ANXA7: variants seen among roughly 807,000 people sequenced by gnomAD.
The protein encoded by ANXA7 is annexin A7, also known as annexin VII.
A neutral mutation model predicts 64.9 loss-of-function variants in ANXA7; 55 were observed. The observed-to-expected ratio is 0.85, with a 90% CI of 0.68 to 1.06. The LOEUF is 1.06. Among genes scored for constraint, ANXA7 ranks in the 50% least tolerant of loss-of-function variants. The pLI is 0.00. For synonymous variants in ANXA7, 200 were observed against 192.4 expected (o/e 1.04, Z -0.33); for missense variants, 548 against 582.1 (o/e 0.94, Z 0.60).
At chr10:73,408,507 T>C (rs1316655725) in intron 1 of ANXA7, 1 of 152,140 alleles carries the variant, frequency 6.6e-6, no homozygotes, top group Non-Finnish European at 1.5e-5. Flanking sequence ...TTTCAAGAAA[T>C]TGTTCCAGTG....
intron 5 of ANXA7, among the ~76,000 whole-genome samples, chr10:73,395,088 G>A (rs2055548871): frequency 6.6e-6 from 1 of 152,198 alleles, no homozygotes; most frequent in African/African-American, 2.4e-5. Flanking sequence ...ACATGCTTGG[G>A]AGGAGTATCA....
intron 6 of ANXA7, 63 bp from the exon 7 acceptor site, chr10:73,387,846 CTTT>C (rs775570274): frequency 0.021 from 11,400 of 537,006 alleles, no homozygotes; most frequent in East Asian, 0.033. Flanking sequence ...TTGAGGTCAT[CTTT>C]TTTTTTTTTT....
Position 73,400,870 on chromosome 10 carries a change from T to C in ANXA7, c.-1-13A>G, listed in dbSNP as rs1428191408. The stretch of plus-strand genomic sequence containing the variant: ...TGGGTATGACATTCTGTAACAACAA[T>C]AAAAAATGTCCTCTGTAAGTTTTTT... On this transcript the variant is annotated splice_polypyrimidine_tract_variant and intron_variant, in intron 1 of 12. Coordinates refer to ENST00000372921, the MANE Select transcript of ANXA7 (RefSeq NM_001156.5). The C allele has an allele frequency of 6.3e-7, 1 of 1,587,092 alleles. No individual in the cohort carries two copies. The highest frequency in any genetic ancestry group is 1.8e-5 in the Admixed American group (1 of 55,524).
intron 1 of ANXA7, among the ~76,000 whole-genome samples, chr10:73,406,350 C>A (rs1365819707): frequency 6.6e-6 from 1 of 152,172 alleles, no homozygotes; most frequent in Non-Finnish European, 1.5e-5. Flanking sequence ...TCACTTGATG[C>A]CTGTCTTACT....
intron 5 of ANXA7, among the ~76,000 whole-genome samples, chr10:73,390,719 TAA>T (rs1356038950): frequency 2.5e-3 from 275 of 111,882 alleles, no homozygotes; most frequent in Admixed American, 4.8e-3. Flanking sequence ...TATATATATA[TAA>T]AAATATATAT....
At chr10:73,386,910 A>C (rs2055381798) in intron 7 of ANXA7, among the ~76,000 whole-genome samples, 1 of 152,158 alleles carries the variant, frequency 6.6e-6, no homozygotes, top group Non-Finnish European at 1.5e-5. Context: ...CCTGGCCTCA[A>C]GAAATTCTCC....
chr10:73,394,113 CTCA>C (rs2055530989), intron 5 of ANXA7, among the ~76,000 whole-genome samples: 3 of 152,170 alleles, frequency 2.0e-5, no homozygotes, highest in African/African-American at 7.2e-5. Context: ...TGAAAAAATG[CTCA>C]TCATCACTGG....
chr10:73,413,587 GTAAAAATTTC>G (rs2055877969), intron 1 of ANXA7, among the ~76,000 whole-genome samples: 1 of 152,230 alleles, frequency 6.6e-6, no homozygotes, highest in African/African-American at 2.4e-5. Context: ...ACTAAACACA[GTAAAAATTTC>G]CCCAAGTTTC....
intron 12 of ANXA7, among the ~76,000 whole-genome samples, chr10:73,377,773 G>GGTGTGTGTGTGTGTGTGTGTGT (rs368036663): frequency 1.6e-5 from 2 of 124,822 alleles, no homozygotes; most frequent in African/African-American, 6.4e-5. Flanking sequence ...GGTGGGTGTG[G>GGTGTGTGTGTGTGTGTGTGTGT]GTGTGTGTGT....
chr10:73,404,850 T>C (rs564746216), intron 1 of ANXA7, among the ~76,000 whole-genome samples: 1 of 152,236 alleles, frequency 6.6e-6, no homozygotes, highest in African/African-American at 2.4e-5. Flanking sequence ...CCAGGCGCAG[T>C]AGTTCACGCC....
intron 5 of ANXA7, among the ~76,000 whole-genome samples, chr10:73,393,259 A>G (rs1163962264): frequency 1.3e-5 from 2 of 152,224 alleles, no homozygotes; most frequent in East Asian, 1.9e-4. Context: ...GGAAGAATCA[A>G]TATCGTGAAA....
Position 73,376,106 on chromosome 10 carries a change from CA to C in ANXA7, c.1389del (p.Ile463MetfsTer26). ...AAAAAAAATCCCTCCTACTGGCCCA[CA>C]ATAGCCAGAAGAAGTCTTCGGTAAT... ...SGDYRRLLLA[I>X]VGQ On this transcript the variant is annotated frameshift_variant, in exon 13 of 13. Coordinates refer to ENST00000372921, the MANE Select transcript of ANXA7 (RefSeq NM_001156.5). LOFTEE classifies it high-confidence loss of function. 6.3e-7 allele frequency: 1 copy of C among 1,586,004 alleles called. No homozygotes were observed. Among genetic ancestry groups the C allele is most frequent in the Non-Finnish European group, 8.5e-7 (1 of 1,169,966 alleles).
chr10:73,397,106 G>T, intron 4 of ANXA7, 58 bp downstream of exon 4: 2 of 861,546 alleles, frequency 2.3e-6, no homozygotes, highest in African/African-American at 1.7e-5. Context: ...TCCCTCAATG[G>T]TGATTTAAAA....
chr10:73,389,442 A>G (rs1180367173), intron 5 of ANXA7, among the ~76,000 whole-genome samples: 3 of 152,200 alleles, frequency 2.0e-5, no homozygotes, highest in Non-Finnish European at 4.4e-5. Flanking sequence ...TAACAGTACT[A>G]TATCGATGTT....
intron 9 of ANXA7, among the ~76,000 whole-genome samples, 164 bp from the exon 10 acceptor site, chr10:73,380,365 G>T (rs909802636): frequency 6.6e-6 from 1 of 151,746 alleles, no homozygotes; most frequent in Non-Finnish European, 1.5e-5. Context: ...AACCTCCTAG[G>T]CTCAAGTGAT....
intron 1 of ANXA7, among the ~76,000 whole-genome samples, chr10:73,404,180 G>A (rs1311264404): frequency 6.6e-6 from 1 of 152,146 alleles, no homozygotes; most frequent in Non-Finnish European, 1.5e-5. Context: ...AAGTAGGGTG[G>A]TAGAGTGTGG....
In ANXA7 at chr10:73,414,029, G is replaced by T. The variant is rs972983356; in HGVS notation, c.-19C>A. The T allele has an allele frequency of 4.6e-5, 7 of 152,330 alleles. No individual in the cohort carries two copies. The highest frequency in any genetic ancestry group is 1.7e-4 in the African/African-American group (7 of 41,418). The allele number at this position is 152,330 out of a possible 1,614,324, so 9.4% of individuals were successfully genotyped here. On this transcript the variant is annotated 5_prime_UTR_variant, in exon 1 of 13. Transcript: ENST00000372921. ...CTCCTCACCTGACCCCAGCAGCAGC[G>T]TCACAGCCCAACCCGGTCTCCCGCA... is the stretch of plus-strand genomic sequence containing the variant.
At chr10:73,403,642 A>G (rs913779690) in intron 1 of ANXA7, among the ~76,000 whole-genome samples, 2 of 152,238 alleles carry the variant, frequency 1.3e-5, no homozygotes, top group African/African-American at 2.4e-5. Context: ...ACCTCTCTGT[A>G]TATTTTGCCA....
chr10:73,382,854 G>A (rs2055296618), intron 9 of ANXA7, among the ~76,000 whole-genome samples: 2 of 152,158 alleles, frequency 1.3e-5, no homozygotes, highest in Non-Finnish European at 1.5e-5. Flanking sequence ...TTCACTTGAT[G>A]GTGGGGCATA....
Sources: allele counts gnomAD v4.1 joint callset (sites outside exome capture counted in the v4.1 genomes callset), GRCh38; gene constraint gnomAD v4.1.1; transcripts MANE v1.5; gene names NCBI Gene and HGNC (gene_info 2026-07-23, HGNC 2026-07-21).